SYTL4: variants seen among roughly 807,000 people sequenced by gnomAD.
SYTL4 encodes the protein synaptotagmin-like protein 4.
In SYTL4, 16 loss-of-function variants were observed where a neutral mutation model predicts 52.7. The observed-to-expected ratio is 0.30, with a 90% CI of 0.21 to 0.46. The LOEUF (loss-of-function observed/expected upper bound fraction) is 0.46, where lower values mean the gene tolerates loss of function less well. Among genes scored for constraint, SYTL4 ranks in the 20% least tolerant of loss-of-function variants. The pLI is 1.00. For missense variants in SYTL4, 423 were observed against 519.9 expected (o/e 0.81, Z 1.81); for synonymous variants, 160 against 186.6 (o/e 0.86, Z 1.16).
intron 2 of SYTL4, among the ~76,000 whole-genome samples, chrX:100,710,893 C>T (rs1405967927): frequency 8.9e-6 from 1 of 112,249 alleles, no homozygotes; most frequent in African/African-American, 3.2e-5. Context: ...GAAGGTTTCA[C>T]TCAAGTGTTT....
At chrX:100,693,728 T>A (rs1295112185) in intron 8 of SYTL4, among the ~76,000 whole-genome samples, 1 of 112,498 alleles carries the variant, frequency 8.9e-6, no homozygotes, top group Non-Finnish European at 1.9e-5. Flanking sequence ...CACACAAAAA[T>A]GTTACATGAA....
intron 8 of SYTL4, among the ~76,000 whole-genome samples, chrX:100,698,166 A>G (rs189285296): frequency 9.1e-5 from 10 of 110,415 alleles, no homozygotes; most frequent in South Asian, 4.2e-4. Flanking sequence ...GCAGTGGAGC[A>G]ATCTTGGCTC....
At chrX:100,727,038 C>A (rs1161813893) in intron 2 of SYTL4, among the ~76,000 whole-genome samples, 2 of 111,132 alleles carry the variant, frequency 1.8e-5, no homozygotes, top group Admixed American at 1.9e-4. Context: ...CAACCCTCTA[C>A]GATCTGCCTT....
At chrX:100,691,303 G>A in intron 8 of SYTL4, 94 bp from the exon 9 acceptor site, 2 of 554,125 alleles carry the variant, frequency 3.6e-6, no homozygotes, top group Non-Finnish European at 6.0e-6. Flanking sequence ...CGTAGCCTGA[G>A]TGATCTTTCT....
At chrX:100,709,931 G>T (rs937441220) in intron 2 of SYTL4, among the ~76,000 whole-genome samples, 1 of 111,086 alleles carries the variant, frequency 9.0e-6, no homozygotes, top group African/African-American at 3.3e-5. Context: ...ATAGCTTTTG[G>T]GGTACAAGTA....
chrX:100,681,332 T>C lies in SYTL4; in HGVS notation c.1453A>G (p.Ser485Gly). ...GGCAAGCCAGTCGGGGACTCAGCAC[T>C]GATCTGAAACACAGGGAAACCCAAC... ...DHCLPLHGKI[S>G]AESPTGLPSH... Residue 485 changes from serine (S) to glycine (G), a missense_variant, in exon 17 of 20, where the codon AGT becomes GGT. Transcript: ENST00000372989. 1 of 1,201,306 alleles carries C rather than the reference T, an allele frequency of 8.3e-7. No individual in the cohort carries two copies. The highest frequency in any genetic ancestry group is 1.1e-6 in the Non-Finnish European group (1 of 887,018).
chrX:100,709,535 G>T (rs1474806911), intron 2 of SYTL4, among the ~76,000 whole-genome samples: 1 of 111,354 alleles, frequency 9.0e-6, no homozygotes, highest in Non-Finnish European at 1.9e-5. Flanking sequence ...TTGGAATTGA[G>T]CCAGACTGCC....
At chrX:100,688,731 A>AT (rs1465201424) in intron 12 of SYTL4, among the ~76,000 whole-genome samples, 6 of 108,643 alleles carry the variant, frequency 5.5e-5, no homozygotes, top group African/African-American at 2.0e-4. Context: ...CACCTGGCTA[A>AT]TTTTTGTATT....
At position 100,686,798 on chromosome X, in the gene SYTL4, G is replaced by A; in HGVS notation, c.1185-17C>T. ...TTCACATATCTAGAAACCAAAGACA[G>A]CACTGAGTAATTTGCTGGCCTTTCT... On this transcript the variant is annotated splice_polypyrimidine_tract_variant and intron_variant, in intron 14 of 19. Coordinates refer to ENST00000372989, the MANE Select transcript of SYTL4 (RefSeq NM_001370165.1). 8.6e-7 allele frequency: 1 copy of A among 1,165,694 alleles called. No homozygotes were observed. The highest frequency in any genetic ancestry group is 1.2e-6 in the Non-Finnish European group (1 of 854,671).
intron 19 of SYTL4, among the ~76,000 whole-genome samples, chrX:100,676,597 G>A (rs953862457): frequency 3.6e-5 from 4 of 111,497 alleles, no homozygotes; most frequent in Non-Finnish European, 5.7e-5. Context: ...CGATTCTCCC[G>A]CCTCAGCCTC....
chrX:100,682,286 T>G (rs1305526046), intron 16 of SYTL4, among the ~76,000 whole-genome samples: 2 of 111,909 alleles, frequency 1.8e-5, no homozygotes, highest in African/African-American at 6.5e-5. Flanking sequence ...CAACTTTCCC[T>G]TTTTTACTCC....
At chrX:100,723,899 A>G (rs12390332) in intron 2 of SYTL4, among the ~76,000 whole-genome samples, 2,169 of 90,179 alleles carry the variant, frequency 0.024, 93 homozygotes, top group African/African-American at 0.093. Context: ...CAGGCCAGCC[A>G]CCCTGTCCGG....
Position 100,686,907 on chromosome X carries a change from T to C in SYTL4, c.1185-126A>G, listed in dbSNP as rs181211523. On this transcript the variant is annotated intron_variant, in intron 14 of 19. Coordinates refer to ENST00000372989, the MANE Select transcript of SYTL4 (RefSeq NM_001370165.1). ...TCAAAAATGTCACCTCAAGCCCTCT[T>C]AGACATGCCATTCTTGCTTTTTCCC... 8 of 808,803 alleles carry C rather than the reference T, an allele frequency of 9.9e-6. No homozygotes were observed. In the South Asian group the frequency reaches 1.8e-4, roughly 18 times the overall value. The allele number at this position is 808,803 out of a possible 1,213,427, so 66.7% of individuals were successfully genotyped here.
chrX:100,687,721 G>A (rs1368156903), intron 13 of SYTL4: 1 of 115,492 alleles, frequency 8.7e-6, no homozygotes, highest in Non-Finnish European at 1.8e-5. Context: ...CTGGGAGTGA[G>A]TGGGAGGGAG....
intron 5 of SYTL4, 77 bp from the exon 6 acceptor site, chrX:100,701,750 G>C: frequency 1.0e-6 from 1 of 1,004,142 alleles, no homozygotes. Context: ...GAGAGGTAAA[G>C]ACAGTAAGAC....
At chrX:100,726,060 G>A (rs1199604507) in intron 2 of SYTL4, among the ~76,000 whole-genome samples, 1 of 108,276 alleles carries the variant, frequency 9.2e-6, no homozygotes, top group Non-Finnish European at 1.9e-5. Context: ...CTTCTGCCAG[G>A]GCCATCCAAT....
At chrX:100,692,780 C>A (rs2083624480) in intron 8 of SYTL4, among the ~76,000 whole-genome samples, 1 of 110,996 alleles carries the variant, frequency 9.0e-6, no homozygotes, top group Non-Finnish European at 1.9e-5. Context: ...TTTGCTAGTC[C>A]TTCCTCCTCC....
intron 2 of SYTL4, among the ~76,000 whole-genome samples, chrX:100,707,202 G>A (rs1475702537): frequency 2.7e-5 from 3 of 111,954 alleles, no homozygotes; most frequent in African/African-American, 9.7e-5. Context: ...CATGTACTAG[G>A]CTGTAATGCA....
At chrX:100,704,107 G>A (rs984332200) in intron 3 of SYTL4, among the ~76,000 whole-genome samples, 5 of 111,972 alleles carry the variant, frequency 4.5e-5, no homozygotes, top group Non-Finnish European at 9.4e-5. Context: ...TAAACAATTA[G>A]ACCAGTCATT....
Sources: allele counts gnomAD v4.1 joint callset (sites outside exome capture counted in the v4.1 genomes callset), GRCh38; gene constraint gnomAD v4.1.1; transcripts MANE v1.5; gene names NCBI Gene and HGNC (gene_info 2026-07-23, HGNC 2026-07-21).